The following PDLIM5 variants were observed in gnomAD, a reference collection of about 807,000 sequenced individuals.
The protein encoded by PDLIM5 is PDZ and LIM domain protein 5.
Under a neutral mutation model 64.2 loss-of-function variants are expected in PDLIM5, and 34 were observed. The ratio of observed to expected loss-of-function variants is 0.53; its 90% CI spans 0.40 to 0.71. PDLIM5 has a LOEUF of 0.71. Among genes scored for constraint, PDLIM5 ranks in the 30% least tolerant of loss-of-function variants. The pLI is 0.00. For synonymous variants in PDLIM5, 253 were observed against 269.1 expected (o/e 0.94, Z 0.59); for missense variants, 683 against 733.6 (o/e 0.93, Z 0.80).
chr4:94,465,315 T>C (rs1164151168), intron 2 of PDLIM5, among the ~76,000 whole-genome samples: 1 of 152,346 alleles, frequency 6.6e-6, no homozygotes, highest in East Asian at 1.9e-4. Flanking sequence ...CCCTTGTTAC[T>C]GTTTGGGTCC....
intron 8 of PDLIM5, among the ~76,000 whole-genome samples, chr4:94,634,653 A>C (rs539193933): frequency 7.2e-5 from 11 of 152,322 alleles, no homozygotes; most frequent in South Asian, 4.1e-4. Context: ...ATTCAAGTAC[A>C]GTCTGGCCAG....
At chr4:94,526,184 A>G (rs1053103219) in intron 3 of PDLIM5, among the ~76,000 whole-genome samples, 1 of 152,144 alleles carries the variant, frequency 6.6e-6, no homozygotes, top group African/African-American at 2.4e-5. Context: ...TGCTTATTTT[A>G]TGACCCAGGA....
chr4:94,491,888 A>G (rs961333361), intron 2 of PDLIM5, among the ~76,000 whole-genome samples: 2 of 151,920 alleles, frequency 1.3e-5, no homozygotes, highest in Non-Finnish European at 2.9e-5. Context: ...TCAATTACTT[A>G]TCTTTTTTTT....
intron 7 of PDLIM5, among the ~76,000 whole-genome samples, chr4:94,597,947 A>C (rs1737196853): frequency 6.6e-6 from 1 of 152,166 alleles, no homozygotes. Flanking sequence ...CATCCAACTT[A>C]ACACATTTTG....
intron 11 of PDLIM5, among the ~76,000 whole-genome samples, chr4:94,661,430 A>G (rs1742705953): frequency 6.6e-6 from 1 of 152,220 alleles, no homozygotes; most frequent in Admixed American, 6.5e-5. Flanking sequence ...ATTCTAATTT[A>G]GTAATAGAGA....
intron 3 of PDLIM5, among the ~76,000 whole-genome samples, chr4:94,547,712 T>G (rs1400430739): frequency 1.3e-5 from 2 of 152,188 alleles, no homozygotes; most frequent in Admixed American, 1.3e-4. Flanking sequence ...CAATGTAGAT[T>G]ATGTGAGATA....
intron 3 of PDLIM5, among the ~76,000 whole-genome samples, chr4:94,542,045 C>T (rs955552710): frequency 6.6e-6 from 1 of 152,158 alleles, no homozygotes; most frequent in African/African-American, 2.4e-5. Flanking sequence ...GGCATGGTGG[C>T]TCATGCGTGT....
chr4:94,579,451 G>T, intron 5 of PDLIM5: 1 of 717,340 alleles, frequency 1.4e-6, no homozygotes, highest in South Asian at 2.3e-5. Context: ...ATACTTTGAA[G>T]AACCTGGCCT....
In PDLIM5 at chr4:94,478,890, G is replaced by GTTTTTTTTTTTTTTTT. The variant is rs67013211; in HGVS notation, c.96+23518_96+23533dup. ...CCAAAAGAAGGTAGGTGTGCTTGGT[G>GTTTTTTTTTTTTTTTT]TTTTTTTTTTTTTTTTTTTTTTTTT... is the stretch of plus-strand genomic sequence containing the variant. On this transcript the variant is annotated intron_variant, in intron 2 of 12. Coordinates refer to ENST00000317968, the MANE Select transcript of PDLIM5 (RefSeq NM_006457.5). 6.2e-4 allele frequency among the ~76,000 whole-genome samples: 58 copies of GTTTTTTTTTTTTTTTT among 94,074 alleles called. 9 individuals are homozygous for GTTTTTTTTTTTTTTTT. The highest frequency in any genetic ancestry group is 2.5e-3 in the African/African-American group (55 of 22,348). The allele number at this position is 94,074 out of a possible 152,430, so 61.7% of individuals were successfully genotyped here.
intron 8 of PDLIM5, among the ~76,000 whole-genome samples, chr4:94,636,454 G>T (rs76979900): frequency 0.046 from 6,725 of 146,532 alleles, 283 homozygotes; most frequent in East Asian, 0.15. Flanking sequence ...CTTTTTTCAT[G>T]TAACTGATTA....
intron 2 of PDLIM5, among the ~76,000 whole-genome samples, chr4:94,519,613 C>T (rs1185205646): frequency 1.3e-5 from 2 of 152,148 alleles, no homozygotes; most frequent in Non-Finnish European, 2.9e-5. Flanking sequence ...AGACAACTAC[C>T]TTACAAAACA....
intron 2 of PDLIM5, among the ~76,000 whole-genome samples, chr4:94,484,817 A>G (rs550571777): frequency 2.3e-4 from 35 of 152,338 alleles, no homozygotes; most frequent in African/African-American, 7.9e-4. Flanking sequence ...TAGAAATGCT[A>G]TCATAGAGAA....
At chr4:94,472,288 C>A (rs531404135) in intron 2 of PDLIM5, among the ~76,000 whole-genome samples, 5 of 152,266 alleles carry the variant, frequency 3.3e-5, no homozygotes, top group Admixed American at 3.3e-4. Context: ...TTCCATCTGT[C>A]ATGGTCTGGC....
chr4:94,591,794 A>G (rs1019722710), intron 7 of PDLIM5, among the ~76,000 whole-genome samples: 1 of 152,220 alleles, frequency 6.6e-6, no homozygotes, highest in Non-Finnish European at 1.5e-5. Flanking sequence ...TGTTGACCCT[A>G]GAGACATTTC....
chr4:94,487,351 T>C (rs985702446), intron 2 of PDLIM5, among the ~76,000 whole-genome samples: 2 of 152,308 alleles, frequency 1.3e-5, no homozygotes, highest in African/African-American at 4.8e-5. Context: ...AAAGAAGTTA[T>C]GAGAAAAAAG....
intron 7 of PDLIM5, among the ~76,000 whole-genome samples, chr4:94,598,738 A>T (rs1489559159): frequency 2.6e-5 from 4 of 152,192 alleles, no homozygotes; most frequent in Non-Finnish European, 4.4e-5. Context: ...GTTTTAGGTT[A>T]TGATATATTC....
Position 94,455,977 on chromosome 4 carries a change from G to A in PDLIM5, c.96+593G>A, listed in dbSNP as rs2126072115. ...TGGATTTAGTTTGAATGTATTCTGT[G>A]TATATATTTTAAGGATATGTTTTCA... On this transcript the variant is annotated intron_variant, in intron 2 of 12. Coordinates refer to ENST00000317968, the MANE Select transcript of PDLIM5 (RefSeq NM_006457.5). 4.8e-6 allele frequency: 7 copies of A among 1,469,328 alleles called. No homozygotes were observed. In the South Asian group the frequency reaches 9.3e-5, roughly 20 times the overall value. The allele number at this position is 1,469,328 out of a possible 1,614,324, so 91.0% of individuals were successfully genotyped here.
chr4:94,561,994 G>C (rs1287996223), intron 3 of PDLIM5, among the ~76,000 whole-genome samples: 2 of 152,208 alleles, frequency 1.3e-5, no homozygotes, highest in African/African-American at 4.8e-5. Context: ...ACTAGCCAGA[G>C]CTCTGTGTTA....
At chr4:94,582,976 G>A in intron 5 of PDLIM5, 1 of 430,870 alleles carries the variant, frequency 2.3e-6, no homozygotes, top group Admixed American at 4.0e-5. Context: ...AGATATAGAT[G>A]AGTATTATGG....
Sources: gnomAD v4.1 joint callset for allele counts (sites outside exome capture counted in the v4.1 genomes callset) on GRCh38, gnomAD v4.1.1 for gene constraint, MANE v1.5 for transcripts, NCBI Gene and HGNC (gene_info 2026-07-23, HGNC 2026-07-21) for gene names.